TLN2: variants seen among roughly 807,000 people sequenced by gnomAD.
TLN2 encodes talin-2.
A neutral mutation model predicts 294.7 loss-of-function variants in TLN2; 118 were observed. The observed-to-expected ratio is 0.40, with a 90% CI of 0.34 to 0.47. The LOEUF (loss-of-function observed/expected upper bound fraction) is 0.47. Among genes scored for constraint, TLN2 ranks in the 20% least tolerant of loss-of-function variants. TLN2 has a pLI of 0.84. For synonymous variants in TLN2, 1,431 were observed against 1,304.5 expected, an observed-to-expected ratio of 1.10 and a Z score of -2.09; for missense variants, 3,083 against 3,282.2, an observed-to-expected ratio of 0.94 and a Z score of 1.48.
chr15:62,670,222 C>T (rs1021892770), intron 9 of TLN2, among the ~76,000 whole-genome samples: 1 of 152,176 alleles, frequency 6.6e-6, no homozygotes, highest in African/African-American at 2.4e-5. Flanking sequence ...GGAGCCAATG[C>T]CTAGAGGCTG....
intron 1 of TLN2, among the ~76,000 whole-genome samples, chr15:62,553,213 C>T (rs35344638): frequency 2.0e-5 from 3 of 152,072 alleles, no homozygotes; most frequent in South Asian, 2.1e-4. Flanking sequence ...AGAATAATGG[C>T]GGCTGGGCAC....
intron 1 of TLN2, among the ~76,000 whole-genome samples, chr15:62,518,870 T>G (rs1220788494): frequency 6.6e-6 from 1 of 152,134 alleles, no homozygotes; most frequent in Non-Finnish European, 1.5e-5. Context: ...AGTGCAGGGA[T>G]TATAGGAGTG....
At chr15:62,760,280 T>C (rs901032728) in intron 37 of TLN2, among the ~76,000 whole-genome samples, 1 of 152,154 alleles carries the variant, frequency 6.6e-6, no homozygotes, top group African/African-American at 2.4e-5. Context: ...ATTGTGGGTA[T>C]GTAATTATTG....
chr15:62,421,387 A>AG (rs1189596088), intron 1 of TLN2, among the ~76,000 whole-genome samples: 1 of 152,126 alleles, frequency 6.6e-6, no homozygotes, highest in Non-Finnish European at 1.5e-5. Flanking sequence ...TCATTTTACT[A>AG]GGGGGCAGGT....
intron 45 of TLN2, 69 bp downstream of exon 45, chr15:62,783,959 C>T (rs777014794): frequency 2.5e-6 from 4 of 1,598,400 alleles, no homozygotes; most frequent in Non-Finnish European, 2.6e-6. Context: ...GGTATTTCTT[C>T]ATAGCTTAGC....
At position 62,771,083 on chromosome 15, in the gene TLN2, G is replaced by A. The variant is rs773516298; in HGVS notation, c.5316G>A (p.Glu1772=). Residue 1772 remains glutamate, a synonymous_variant, in exon 42 of 59, where the codon GAG becomes GAA. Transcript: ENST00000636159. The part of the protein sequence containing the change: ...TVLDQTKTLA[E]SALQMLYAAK... ...TGGACCAGACCAAGACTCTCGCAGAGTCTGCCTTGCAGATGTTGTATGCAG... is the reference window on the plus strand; with the variant it reads ...TGGACCAGACCAAGACTCTCGCAGAATCTGCCTTGCAGATGTTGTATGCAG... 1.9e-6 allele frequency: 3 copies of A among 1,613,692 alleles called. No homozygotes were observed. Among genetic ancestry groups the A allele is most frequent in the African/African-American group, 1.3e-5 (1 of 75,006 alleles).
chr15:62,761,171 T>G (rs1055147533), intron 37 of TLN2, among the ~76,000 whole-genome samples: 2 of 152,262 alleles, frequency 1.3e-5, no homozygotes, highest in Non-Finnish European at 2.9e-5. Flanking sequence ...ATGACAGTTA[T>G]GCCTGCCTTG....
chr15:62,460,669 C>G (rs190277266), intron 1 of TLN2, among the ~76,000 whole-genome samples: 13 of 152,278 alleles, frequency 8.5e-5, no homozygotes, highest in African/African-American at 3.1e-4. Flanking sequence ...CTTTAGCTGG[C>G]TTTATTAAGA....
At chr15:62,781,442 C>A (rs1298749338) in intron 44 of TLN2, among the ~76,000 whole-genome samples, 1 of 152,120 alleles carries the variant, frequency 6.6e-6, no homozygotes, top group Non-Finnish European at 1.5e-5. Context: ...CAGTTCTTTT[C>A]TCATGAAAAA....
At chr15:62,574,175 T>C (rs954761523) in intron 1 of TLN2, among the ~76,000 whole-genome samples, 1 of 146,688 alleles carries the variant, frequency 6.8e-6, no homozygotes, top group Non-Finnish European at 1.5e-5. Context: ...GTCACTTCAT[T>C]TTTTTTTTTG....
intron 43 of TLN2, among the ~76,000 whole-genome samples, chr15:62,777,255 G>A (rs1168614733): frequency 2.0e-5 from 3 of 148,290 alleles, no homozygotes; most frequent in Admixed American, 1.4e-4. Context: ...ATTCCCGCCC[G>A]GCCGGGCGCG....
intron 2 of TLN2, among the ~76,000 whole-genome samples, chr15:62,612,969 A>C (rs900282840): frequency 6.6e-6 from 1 of 152,208 alleles, no homozygotes; most frequent in African/African-American, 2.4e-5. Context: ...GTATTGTAAA[A>C]CAAACAGCAT....
intron 1 of TLN2, among the ~76,000 whole-genome samples, chr15:62,428,661 A>T (rs1019709812): frequency 6.6e-6 from 1 of 152,296 alleles, no homozygotes; most frequent in South Asian, 2.1e-4. Context: ...GCTTTTGAGA[A>T]GAGGAAAAGC....
At chr15:62,498,356 G>A (rs1021243413) in intron 1 of TLN2, among the ~76,000 whole-genome samples, 7 of 152,010 alleles carry the variant, frequency 4.6e-5, no homozygotes, top group African/African-American at 1.7e-4. Context: ...TTTAGTATTC[G>A]ATCCTTGAGT....
At chr15:62,833,424 G>T in intron 54 of TLN2, 80 bp from the exon 55 acceptor site, 1 of 1,551,016 alleles carries the variant, frequency 6.4e-7, no homozygotes, top group South Asian at 1.2e-5. Context: ...AGAGCCAGGT[G>T]ACCCGGCAGT....
chr15:62,812,804 G>A (rs937423257), intron 52 of TLN2, among the ~76,000 whole-genome samples: 2 of 152,178 alleles, frequency 1.3e-5, no homozygotes, highest in African/African-American at 4.8e-5. Flanking sequence ...TGTCCGAGGG[G>A]CGGGCGGGCA....
At chr15:62,771,662 G>A (rs1458402366) in intron 42 of TLN2, among the ~76,000 whole-genome samples, 1 of 152,228 alleles carries the variant, frequency 6.6e-6, no homozygotes, top group African/African-American at 2.4e-5. Context: ...CTGAACTTGG[G>A]AACTGAAGAA....
At position 62,625,046 on chromosome 15, in the gene TLN2, T is replaced by C. The variant is rs537165341; in HGVS notation, c.-37+6571T>C. 8.5e-5 allele frequency among the ~76,000 whole-genome samples: 13 copies of C among 152,322 alleles called. No individual in the cohort carries two copies. The South Asian group carries it at 2.3e-3, about 27-fold the overall frequency. ...AATATTGTTGTGCTTTCAGGATGAC[T>C]GGAGGATTCAGGGGTGTGTGTTATT... On this transcript the variant is annotated intron_variant, in intron 3 of 58. Transcript: ENST00000636159.
chr15:62,759,341 C>T (rs1055296037), intron 37 of TLN2, among the ~76,000 whole-genome samples: 1 of 152,192 alleles, frequency 6.6e-6, no homozygotes, highest in African/African-American at 2.4e-5. Context: ...GCTTGCTATT[C>T]TAGTTCATGT....
Sources: gnomAD v4.1 joint callset for allele counts (sites outside exome capture counted in the v4.1 genomes callset) on GRCh38, gnomAD v4.1.1 for gene constraint, MANE v1.5 for transcripts, NCBI Gene and HGNC (gene_info 2026-07-23, HGNC 2026-07-21) for gene names.